SLC7A9: variants seen among roughly 807,000 people sequenced by gnomAD.
SLC7A9 encodes B(0,+)-type amino acid transporter 1.
SLC7A9 carries 38 observed loss-of-function variants against 54.1 expected under a neutral mutation model. That is an observed-to-expected ratio of 0.70 (90% CI 0.54 to 0.92). The LOEUF (loss-of-function observed/expected upper bound fraction) is 0.92, where lower values mean the gene tolerates loss of function less well. Among genes scored for constraint, SLC7A9 ranks in the 40% least tolerant of loss-of-function variants. The probability of loss-of-function intolerance (pLI) is 0.00; values close to 1 mark genes in which losing one functional copy is unlikely to be tolerated. For synonymous variants in SLC7A9, 264 were observed against 258.9 expected (o/e 1.02, Z -0.19); for missense variants, 537 against 636.1 (o/e 0.84, Z 1.68).
intron 9 of SLC7A9, among the ~76,000 whole-genome samples, chr19:32,852,856 G>A (rs1160517923): frequency 6.6e-6 from 1 of 151,386 alleles, no homozygotes; most frequent in Non-Finnish European, 1.5e-5. Context: ...GGAGAAGTCT[G>A]ACGTGGGAGC....
Position 32,862,178 on chromosome 19 carries a change from T to C in SLC7A9, c.644A>G (p.Gln215Arg), listed in dbSNP as rs1222709323. 2 of 1,613,914 alleles carry C rather than the reference T, an allele frequency of 1.2e-6. No individual in the cohort carries two copies. Among genetic ancestry groups the C allele is most frequent in the Non-Finnish European group, 1.7e-6 (2 of 1,179,838 alleles). ...CAGGCTGATGGCTCCCACAGACAGC[T>C]GGGCGCCCTCGAAAGAATTATCAAA... ...KNFDNSFEGA[Q>R]LSVGAISLAF... Residue 215 changes from glutamine to arginine, a missense_variant, in exon 6 of 13, where the codon CAG becomes CGG. Coordinates refer to ENST00000023064, the MANE Select transcript of SLC7A9 (RefSeq NM_014270.5).
chr19:32,851,051 G>A (rs530134330), intron 9 of SLC7A9, among the ~76,000 whole-genome samples: 1 of 152,242 alleles, frequency 6.6e-6, no homozygotes, highest in South Asian at 2.1e-4. Flanking sequence ...TTACATGTTA[G>A]ACCTAAAACC....
At position 32,844,789 on chromosome 19, in the gene SLC7A9, C is replaced by A. The variant is rs59902761; in HGVS notation, c.978-838G>T. ...GAGGTTGCGGTGAGCTGAGATCGCA[C>A]CATTGCAGCTAAGATCGCACCATTG... is the stretch of plus-strand genomic sequence containing the variant. On this transcript the variant is annotated intron_variant, in intron 9 of 12. Coordinates refer to ENST00000023064, the MANE Select transcript of SLC7A9 (RefSeq NM_014270.5). Among the ~76,000 whole-genome samples, 97 of 130,734 alleles carry A rather than the reference C, an allele frequency of 7.4e-4. 1 individual carries two copies. In the East Asian group the frequency reaches 0.014, roughly 19 times the overall value. The allele number at this position is 130,734 out of a possible 152,430, so 85.8% of individuals were successfully genotyped here.
At chr19:32,851,937 C>T (rs1243757347) in intron 9 of SLC7A9, among the ~76,000 whole-genome samples, 1 of 151,804 alleles carries the variant, frequency 6.6e-6, no homozygotes, top group African/African-American at 2.4e-5. Context: ...AACCAAACAC[C>T]GCATGTTCTC....
intron 9 of SLC7A9, among the ~76,000 whole-genome samples, chr19:32,850,819 A>C (rs1327309550): frequency 1.3e-5 from 2 of 152,232 alleles, no homozygotes; most frequent in Non-Finnish European, 2.9e-5. Flanking sequence ...CTGGTACCAA[A>C]ACAGAGAGAT....
Position 32,833,247 on chromosome 19 carries a change from G to A in SLC7A9, c.1301C>T (p.Thr434Ile). 6.2e-7 allele frequency: 1 copy of A among 1,614,186 alleles called. No individual in the cohort carries two copies. The highest frequency in any genetic ancestry group is 1.3e-5 in the African/African-American group (1 of 75,066). ...LVLAPIISKP[T>I]WEYLYCVLFI... ...CAGCACACAGTAGAGGTACTCCCAG[G>A]TGGGCTTGCTGATGATTGGAGCCAG... The change falls in exon 12 of 13, where the codon ACC becomes ATC. Residue 434 changes from threonine to isoleucine, a missense_variant. Physicochemically the swap from Thr to Ile is moderately conservative, Grantham distance 89. Coordinates refer to ENST00000023064, the MANE Select transcript of SLC7A9 (RefSeq NM_014270.5).
At chr19:32,867,929 CAAAAAAAAAAAAA>C (rs57446079) in intron 2 of SLC7A9, among the ~76,000 whole-genome samples, 1,710 of 66,106 alleles carry the variant, frequency 0.026, 61 homozygotes, top group African/African-American at 0.07. Context: ...GACTCTGTCT[CAAAAAAAAAAAAA>C]AAAAAAAAAA....
intron 2 of SLC7A9, among the ~76,000 whole-genome samples, chr19:32,867,222 C>A (rs1599692056): frequency 6.6e-6 from 1 of 152,230 alleles, no homozygotes; most frequent in Non-Finnish European, 1.5e-5. Flanking sequence ...CCCTCTCTGG[C>A]TGGGCACAGC....
At chr19:32,837,509 A>G (rs1228866646) in intron 11 of SLC7A9, among the ~76,000 whole-genome samples, 4 of 91,090 alleles carry the variant, frequency 4.4e-5, no homozygotes, top group Non-Finnish European at 9.0e-5. Flanking sequence ...AAAAAAAAAA[A>G]AAAAAAAAAG....
At position 32,862,451 on chromosome 19, in the gene SLC7A9, C is replaced by T. The variant is rs11084672; in HGVS notation, c.604+10G>A. 206,365 of 1,612,390 alleles carry T rather than the reference C, an allele frequency of 0.13. 14,373 individuals carry two copies. Among genetic ancestry groups the T allele is most frequent in the Middle Eastern group, 0.15 (740 of 4,952 alleles). ...TGTGCCCGTGCAGGGCCCACCCTCC[C>T]GTGGGTCACCTTGGGCCAGGAGCAC... On this transcript the variant is annotated intron_variant, in intron 5 of 12. Transcript: ENST00000023064.
chr19:32,842,599 TTTG>T (rs1193384937), intron 10 of SLC7A9, among the ~76,000 whole-genome samples: 1 of 150,270 alleles, frequency 6.7e-6, no homozygotes, highest in African/African-American at 2.5e-5. Flanking sequence ...TGTGGGTTTT[TTTG>T]TTTTGTTTTG....
chr19:32,843,784 G>A lies in SLC7A9; in HGVS notation c.1074+71C>T, dbSNP rs371130262. On this transcript the variant is annotated intron_variant, in intron 10 of 12. Coordinates refer to ENST00000023064, the MANE Select transcript of SLC7A9 (RefSeq NM_014270.5). Reference sequence around the variant, plus strand: ...AGGGCATCTGGGTCATTTGGAAGCCGCCGGGCTTAGCACCCCATGGATGGA... The same window carrying A: ...AGGGCATCTGGGTCATTTGGAAGCCACCGGGCTTAGCACCCCATGGATGGA... The A allele has an allele frequency of 8.1e-4, 931 of 1,149,548 alleles. 2 individuals carry two copies. The highest frequency in any genetic ancestry group is 1.2e-3 in the Admixed American group (72 of 57,854). The allele number at this position is 1,149,548 out of a possible 1,614,324, so 71.2% of individuals were successfully genotyped here.
chr19:32,844,772 G>A (rs575705948), intron 9 of SLC7A9, among the ~76,000 whole-genome samples: 41 of 137,294 alleles, frequency 3.0e-4, no homozygotes, highest in Middle Eastern at 5.0e-3. Flanking sequence ...CAGAGGTTGC[G>A]GTGAGCTGAG....
At chr19:32,865,340 G>C (rs73580093) in intron 2 of SLC7A9, among the ~76,000 whole-genome samples, 2,432 of 152,274 alleles carry the variant, frequency 0.016, 60 homozygotes, top group African/African-American at 0.056. Flanking sequence ...ATCTCTCTCT[G>C]TCACCCAGGC....
chr19:32,853,936 C>A lies in SLC7A9; in HGVS notation c.977+4504G>T, dbSNP rs1457777023. Reference sequence around the variant, plus strand: ...TGTCTCAAAAAAAAAAAAAAAAAAACACCAACAAACAAAAAAGTTGTTAAA... The same window carrying A: ...TGTCTCAAAAAAAAAAAAAAAAAAAAACCAACAAACAAAAAAGTTGTTAAA... On this transcript the variant is annotated intron_variant, in intron 9 of 12. Coordinates refer to ENST00000023064, the MANE Select transcript of SLC7A9 (RefSeq NM_014270.5). 2.2e-3 allele frequency among the ~76,000 whole-genome samples: 304 copies of A among 137,816 alleles called. 1 individual carries two copies. The highest frequency in any genetic ancestry group is 7.5e-3 in the African/African-American group (280 of 37,492). 90.4% of individuals were successfully genotyped at this position (137,816 alleles called of 152,430 possible).
chr19:32,869,463 C>A (rs7252778), intron 1 of SLC7A9, among the ~76,000 whole-genome samples: 81,468 of 151,958 alleles, frequency 0.54, 22,655 homozygotes, highest in Non-Finnish European at 0.61. Context: ...CCTTCCACCT[C>A]GGCCTCCCAA....
At chr19:32,844,955 A>G (rs1968242460) in intron 9 of SLC7A9, among the ~76,000 whole-genome samples, 1 of 144,278 alleles carries the variant, frequency 6.9e-6, no homozygotes, top group Non-Finnish European at 1.5e-5. Context: ...ATGAGATTAG[A>G]AGTTCAAGAC....
chr19:32,848,341 G>T (rs544196377), intron 9 of SLC7A9, among the ~76,000 whole-genome samples: 1 of 152,220 alleles, frequency 6.6e-6, no homozygotes, highest in Non-Finnish European at 1.5e-5. Context: ...GATGGAGGAA[G>T]ATCTACCAAG....
chr19:32,868,460 A>G lies in SLC7A9; in HGVS notation c.75T>C (p.Ser25=). Residue 25 remains serine (S), a synonymous_variant, in exon 2 of 13, where the codon AGT becomes AGC. Transcript: ENST00000023064. ...SIQSQEPKTT[S]LQKELGLISG... The stretch of plus-strand genomic sequence containing the variant: ...GAGACCGCCTTACCTCCTTTTGGAG[A>G]CTGGTGGTCTTAGGCTCTTGGCTCT... 1 of 1,613,598 alleles carries G rather than the reference A, an allele frequency of 6.2e-7. No homozygotes were observed. Among genetic ancestry groups the G allele is most frequent in the Non-Finnish European group, 8.5e-7 (1 of 1,179,794 alleles).
Sources: allele counts gnomAD v4.1 joint callset (sites outside exome capture counted in the v4.1 genomes callset), GRCh38; gene constraint gnomAD v4.1.1; transcripts MANE v1.5; gene names NCBI Gene and HGNC (gene_info 2026-07-23, HGNC 2026-07-21).